Variants in TTC7B observed in about 807,000 individuals in gnomAD.
TTC7B encodes the protein tetratricopeptide repeat domain 7B.
TTC7B carries 28 observed loss-of-function variants against 106.8 expected under a neutral mutation model. The ratio of observed to expected loss-of-function variants is 0.26; its 90% confidence interval spans 0.19 to 0.36. The LOEUF (loss-of-function observed/expected upper bound fraction) is 0.36. TTC7B is among the 10% of genes least tolerant of loss of function. The pLI, the probability that TTC7B is intolerant of heterozygous loss-of-function variation, is 1.00. For synonymous variants in TTC7B, 405 were observed against 430.6 expected (o/e 0.94, Z 0.74); for missense variants, 862 against 1,076.4 (o/e 0.80, Z 2.79).
Position 90,744,648 on chromosome 14 carries a change from A to G in TTC7B, c.576+144T>C. The G allele has an allele frequency of 3.5e-6, 3 of 851,448 alleles. No homozygotes were observed. The African/African-American group carries it at 5.1e-5, about 15-fold the overall frequency. 52.7% of individuals were successfully genotyped at this position (851,448 alleles called of 1,614,324 possible). A position where few individuals can be genotyped will look rare whatever the true frequency, so the allele number is the denominator to read the frequency against. Reference sequence around the variant, plus strand: ...CATAAGCTACAGCAATCACTACCACACTCTCCTTAGCTTTAAGGAGTACAA... The same window carrying G: ...CATAAGCTACAGCAATCACTACCACGCTCTCCTTAGCTTTAAGGAGTACAA... On this transcript the variant is annotated intron_variant, in intron 4 of 19. Transcript: ENST00000328459.
rs1213929739 is a variant in TTC7B, at chr14:90,532,400, G to A, written c.*8968C>T. 6.6e-6 allele frequency: 1 copy of A among 152,188 alleles called. No homozygotes were observed. Among genetic ancestry groups the A allele is most frequent in the African/African-American group, 2.4e-5 (1 of 41,448 alleles). The allele number at this position is 152,188 out of a possible 1,614,324, so 9.4% of individuals were successfully genotyped here. A position where few individuals can be genotyped will look rare whatever the true frequency, so the allele number is the denominator to read the frequency against. ...TGGCAATGTGAGGATGGGCCAATGT[G>A]AGGATGGGCCAGCCCTTTTGCAAAC... On this transcript the variant is annotated 3_prime_UTR_variant, in exon 20 of 20. Transcript: ENST00000328459.
chr14:90,695,341 A>G (rs555710905), intron 6 of TTC7B, among the ~76,000 whole-genome samples, 159 bp downstream of exon 6: 21 of 149,146 alleles, frequency 1.4e-4, no homozygotes, highest in Admixed American at 1.2e-3. Context: ...TGTCACATAT[A>G]TTTATTATAA....
intron 4 of TTC7B, among the ~76,000 whole-genome samples, chr14:90,740,216 G>A (rs1889701882): frequency 6.6e-6 from 1 of 152,140 alleles, no homozygotes; most frequent in Non-Finnish European, 1.5e-5. Context: ...AGAGGGCAGA[G>A]GAACACCTGG....
chr14:90,815,140 C>G (rs1045746120), intron 1 of TTC7B, among the ~76,000 whole-genome samples: 6 of 152,188 alleles, frequency 3.9e-5, no homozygotes, highest in Admixed American at 3.3e-4. Flanking sequence ...ATTTGTTCAG[C>G]CAACATGTGC....
At chr14:90,814,405 T>C (rs993390263) in intron 1 of TTC7B, among the ~76,000 whole-genome samples, 2 of 152,228 alleles carry the variant, frequency 1.3e-5, no homozygotes, top group African/African-American at 4.8e-5. Flanking sequence ...CTGTGCTGTT[T>C]ATTTATTTCC....
Position 90,622,116 on chromosome 14 carries a change from ATT to A in TTC7B, c.1752-4073_1752-4072del, listed in dbSNP as rs34021447. ...TAGCCACACAAAGTTCATGATTCTA[ATT>A]TTTTTTTTTTTTTTTTTGAGACAGA... On this transcript the variant is annotated intron_variant, in intron 15 of 19. Transcript: ENST00000328459. Among the ~76,000 whole-genome samples, 1,225 of 134,932 alleles carry A rather than the reference ATT, an allele frequency of 9.1e-3. 16 individuals are homozygous for A. The highest frequency in any genetic ancestry group is 0.028 in the African/African-American group (979 of 35,318). 88.5% of individuals were successfully genotyped at this position (134,932 alleles called of 152,430 possible). A position where few individuals can be genotyped will look rare whatever the true frequency, so the allele number is the denominator to read the frequency against.
chr14:90,580,522 C>G (rs775420285), intron 18 of TTC7B, among the ~76,000 whole-genome samples: 1 of 152,132 alleles, frequency 6.6e-6, no homozygotes, highest in African/African-American at 2.4e-5. Flanking sequence ...GGGTGATATC[C>G]GACTCCTCTG....
intron 5 of TTC7B, among the ~76,000 whole-genome samples, chr14:90,699,916 C>T (rs1887919840): frequency 6.6e-6 from 1 of 152,190 alleles, no homozygotes; most frequent in Non-Finnish European, 1.5e-5. Context: ...GAGGCCTTGG[C>T]TTTATTCACT....
chr14:90,551,007 C>T (rs533145369), intron 19 of TTC7B, among the ~76,000 whole-genome samples: 147 of 152,336 alleles, frequency 9.6e-4, no homozygotes, highest in South Asian at 6.6e-3. Flanking sequence ...GGAGAAGATG[C>T]CCTGCTCCCA....
rs114639037 is a variant in TTC7B at position 90,659,678 on chromosome 14, C to T, written c.1153-1291G>A. Among the ~76,000 whole-genome samples, 594 of 152,102 alleles carry T rather than the reference C, an allele frequency of 3.9e-3. 7 individuals carry two copies. Among genetic ancestry groups the T allele is most frequent in the African/African-American group, 0.014 (573 of 41,498 alleles). On this transcript the variant is annotated intron_variant, in intron 9 of 19. Transcript: ENST00000328459. Reference sequence around the variant, plus strand: ...GAAGCCACCACAATCAATCAGGTGACGAGCTCCGCACGTGTGGCTTTAGGG... The same window carrying T: ...GAAGCCACCACAATCAATCAGGTGATGAGCTCCGCACGTGTGGCTTTAGGG...
intron 1 of TTC7B, among the ~76,000 whole-genome samples, chr14:90,813,550 G>A (rs1426005097): frequency 2.0e-5 from 3 of 152,026 alleles, no homozygotes; most frequent in African/African-American, 4.8e-5. Context: ...TTTAAATCCC[G>A]TTCTAAAATG....
At chr14:90,560,934 TCTA>T (rs1461774866) in intron 19 of TTC7B, among the ~76,000 whole-genome samples, 4 of 152,260 alleles carry the variant, frequency 2.6e-5, no homozygotes, top group Non-Finnish European at 5.9e-5. Context: ...TTGTGGCAGT[TCTA>T]ATTAGAGAGC....
intron 5 of TTC7B, chr14:90,699,369 A>AT (rs1293985238): frequency 2.8e-6 from 1 of 357,320 alleles, no homozygotes; most frequent in Non-Finnish European, 5.4e-6. Flanking sequence ...AGCTCAATAC[A>AT]TTTTTGTTGT....
chr14:90,714,550 G>A (rs570216857), intron 5 of TTC7B, among the ~76,000 whole-genome samples: 44 of 151,538 alleles, frequency 2.9e-4, no homozygotes, highest in Middle Eastern at 3.4e-3. Flanking sequence ...TCTACCTCCC[G>A]GGTTCAAGAG....
intron 3 of TTC7B, among the ~76,000 whole-genome samples, chr14:90,778,935 T>A (rs1258739228): frequency 1.3e-5 from 2 of 152,240 alleles, no homozygotes; most frequent in African/African-American, 4.8e-5. Flanking sequence ...TGGGTCTTTG[T>A]TCAACACTGC....
At chr14:90,647,183 C>T (rs1242200793) in intron 13 of TTC7B, 160 bp from the exon 14 acceptor site, 4 of 644,834 alleles carry the variant, frequency 6.2e-6, no homozygotes, top group African/African-American at 1.8e-5. Context: ...TCCACCTACA[C>T]ATGTAAACCA....
intron 3 of TTC7B, among the ~76,000 whole-genome samples, chr14:90,774,469 G>T (rs1397754095): frequency 6.6e-6 from 1 of 152,206 alleles, no homozygotes; most frequent in Non-Finnish European, 1.5e-5. Context: ...TAAGGCAGGA[G>T]CTTAGGCCCT....
At chr14:90,739,593 G>C (rs1457274825) in intron 4 of TTC7B, among the ~76,000 whole-genome samples, 1 of 152,214 alleles carries the variant, frequency 6.6e-6, no homozygotes, top group Non-Finnish European at 1.5e-5. Flanking sequence ...GTCTAGGTGG[G>C]GCACTGTAAT....
intron 2 of TTC7B, among the ~76,000 whole-genome samples, chr14:90,784,841 C>G (rs1891333102): frequency 6.6e-6 from 1 of 152,188 alleles, no homozygotes; most frequent in Non-Finnish European, 1.5e-5. Flanking sequence ...CCAGCCACCT[C>G]CTAGCGGCCT....
Sources: allele counts gnomAD v4.1 joint callset (sites outside exome capture counted in the v4.1 genomes callset), GRCh38; gene constraint gnomAD v4.1.1; transcripts MANE v1.5; gene names NCBI Gene and HGNC (gene_info 2026-07-23, HGNC 2026-07-21).